Variants in MSI2 observed in about 807,000 individuals in gnomAD.
The protein encoded by MSI2 is RNA-binding protein Musashi homolog 2.
Under a neutral mutation model 45.6 loss-of-function variants are expected in MSI2, and 17 were observed. The observed-to-expected ratio is 0.37, with a 90% CI of 0.26 to 0.56. MSI2 has a LOEUF of 0.56. Among genes scored for constraint, MSI2 ranks in the 20% least tolerant of loss-of-function variants. MSI2 has a pLI of 0.77. For missense variants in MSI2, 293 were observed against 444.2 expected (o/e 0.66, Z 3.06); for synonymous variants, 156 against 158.2 (o/e 0.99, Z 0.11).
intron 5 of MSI2, among the ~76,000 whole-genome samples, chr17:57,298,172 G>A (rs1911147479): frequency 6.6e-6 from 1 of 152,060 alleles, no homozygotes; most frequent in Non-Finnish European, 1.5e-5. Flanking sequence ...ATCCATGACA[G>A]GCATAGCCTT....
intron 5 of MSI2, among the ~76,000 whole-genome samples, chr17:57,349,824 C>T (rs533825847): frequency 5.3e-5 from 8 of 152,286 alleles, no homozygotes; most frequent in Admixed American, 4.6e-4. Flanking sequence ...AATTTTTTCT[C>T]CTTGAAGCTT....
At chr17:57,347,292 C>T (rs1164429395) in intron 5 of MSI2, among the ~76,000 whole-genome samples, 1 of 152,150 alleles carries the variant, frequency 6.6e-6, no homozygotes, top group Non-Finnish European at 1.5e-5. Flanking sequence ...CAGAGCACCC[C>T]ACAGTGTACC....
At position 57,612,544 on chromosome 17, in the gene MSI2, G is replaced by A. The variant is rs1380769464; in HGVS notation, c.538-3426G>A. On this transcript the variant is annotated intron_variant, in intron 8 of 13. Transcript: ENST00000284073. ...GTCCCCTGGAGAGTGTATGCGCCAT[G>A]GCCCCTGGCCTTGGGGAACACTCAC... Among the ~76,000 whole-genome samples, 2 of 28,354 alleles carry A rather than the reference G, an allele frequency of 7.1e-5. 1 individual carries two copies. The highest frequency in any genetic ancestry group is 1.7e-4 in the African/African-American group (2 of 11,846). The allele number at this position is 28,354 out of a possible 152,430, so 18.6% of individuals were successfully genotyped here. A position where few individuals can be genotyped will look rare whatever the true frequency, so the allele number is the denominator to read the frequency against.
chr17:57,624,600 C>A (rs141223553), intron 9 of MSI2, among the ~76,000 whole-genome samples: 1 of 152,292 alleles, frequency 6.6e-6, no homozygotes, highest in East Asian at 1.9e-4. Context: ...GTCCTTCTGC[C>A]TCGCTTGGGC....
chr17:57,441,139 A>G (rs1048096535), intron 6 of MSI2, among the ~76,000 whole-genome samples: 1 of 152,074 alleles, frequency 6.6e-6, no homozygotes, highest in Non-Finnish European at 1.5e-5. Context: ...TTCTGTTTCC[A>G]TTGACGGGGA....
intron 5 of MSI2, among the ~76,000 whole-genome samples, chr17:57,399,755 T>C (rs139650376): frequency 6.6e-6 from 1 of 152,330 alleles, no homozygotes; most frequent in Non-Finnish European, 1.5e-5. Flanking sequence ...AGGTGGGACC[T>C]TGGAGCCCTG....
chr17:57,461,888 C>G (rs2085237074), intron 6 of MSI2, among the ~76,000 whole-genome samples: 1 of 152,190 alleles, frequency 6.6e-6, no homozygotes, highest in Non-Finnish European at 1.5e-5. Context: ...CTTCCTTTTC[C>G]ATTACCCCAT....
chr17:57,509,698 G>T (rs560021510), intron 6 of MSI2, among the ~76,000 whole-genome samples: 1 of 152,246 alleles, frequency 6.6e-6, no homozygotes, highest in South Asian at 2.1e-4. Context: ...TGGGATTACA[G>T]GCGTGAGCCA....
At chr17:57,527,467 C>G (rs2332930) in intron 6 of MSI2, among the ~76,000 whole-genome samples, 126,349 of 152,010 alleles carry the variant, frequency 0.83, 52,616 homozygotes, top group East Asian at 0.94. Flanking sequence ...TTACCGTCGG[C>G]GGGGGCTCTT....
rs113048081 is a variant in MSI2 at position 57,649,619 on chromosome 17, G to A, written c.728-2480G>A. Among the ~76,000 whole-genome samples the A allele has an allele frequency of 3.2e-3, 492 of 152,254 alleles. 3 individuals are homozygous for A. Among genetic ancestry groups the A allele is most frequent in the African/African-American group, 0.011 (469 of 41,548 alleles). ...TTGTATCTGTGCTTGCCCATCTCCC[G>A]CAAGCCCAGCCACCAAGAAGAGGCC... On this transcript the variant is annotated intron_variant, in intron 10 of 13. Transcript: ENST00000284073.
At chr17:57,620,709 C>G (rs978448997) in intron 9 of MSI2, among the ~76,000 whole-genome samples, 2 of 152,198 alleles carry the variant, frequency 1.3e-5, no homozygotes, top group Non-Finnish European at 2.9e-5. Flanking sequence ...GATCTGTGTG[C>G]TGGATTCCAG....
intron 7 of MSI2, among the ~76,000 whole-genome samples, chr17:57,577,147 C>G (rs1475954414): frequency 6.6e-6 from 1 of 152,192 alleles, no homozygotes; most frequent in African/African-American, 2.4e-5. Context: ...TGAAGGACTA[C>G]CCCTGGGAGG....
At chr17:57,289,438 G>A (rs917846358) in intron 5 of MSI2, among the ~76,000 whole-genome samples, 18 of 152,144 alleles carry the variant, frequency 1.2e-4, no homozygotes, top group African/African-American at 4.3e-4. Flanking sequence ...CAGAGGGACT[G>A]GCTTTTCTGC....
Position 57,624,541 on chromosome 17 carries a change from T to A in MSI2, c.653-2688T>A, listed in dbSNP as rs544863109. On this transcript the variant is annotated intron_variant, in intron 9 of 13. Transcript: ENST00000284073. ...CTCCGTCGGGTTGCTGAGCTCAACA[T>A]CCCACCGGGCTCCTGCTCCTTAGCT... Among the ~76,000 whole-genome samples the A allele has an allele frequency of 3.9e-5, 6 of 152,194 alleles. No individual in the cohort carries two copies. The South Asian group carries it at 8.3e-4, about 21-fold the overall frequency.
At chr17:57,674,785 C>T (rs1218853873) in intron 11 of MSI2, 187 bp from the exon 12 acceptor site, 1 of 764,420 alleles carries the variant, frequency 1.3e-6, no homozygotes, top group African/African-American at 1.8e-5. Context: ...TGAGTCCCTG[C>T]TGATGTTTTC....
chr17:57,291,505 A>G (rs900436504), intron 5 of MSI2, among the ~76,000 whole-genome samples: 1 of 152,218 alleles, frequency 6.6e-6, no homozygotes, highest in African/African-American at 2.4e-5. Flanking sequence ...TTAAGCAGCG[A>G]GGCTTTTAAT....
At chr17:57,299,709 A>G (rs1911276032) in intron 5 of MSI2, among the ~76,000 whole-genome samples, 1 of 152,212 alleles carries the variant, frequency 6.6e-6, no homozygotes, top group Admixed American at 6.5e-5. Context: ...CATTACAAAT[A>G]TTATTATAAT....
rs118103540 is a variant in MSI2, at chr17:57,568,397, T to C, written c.455-28471T>C. ...CCTAGGGAAAATACTGGCCATGGCA[T>C]AATCCAGTGGCACAATCCTGTCTCA... is the stretch of plus-strand genomic sequence containing the variant. On this transcript the variant is annotated intron_variant, in intron 7 of 13. Transcript: ENST00000284073. Among the ~76,000 whole-genome samples the C allele has an allele frequency of 5.4e-3, 830 of 152,310 alleles. 3 individuals carry two copies. The highest frequency in any genetic ancestry group is 0.017 in the Middle Eastern group (5 of 294).
chr17:57,458,445 A>G (rs1010896639), intron 6 of MSI2, among the ~76,000 whole-genome samples: 4 of 152,140 alleles, frequency 2.6e-5, no homozygotes, highest in Non-Finnish European at 5.9e-5. Flanking sequence ...TAATCTCTCA[A>G]TGGCCATCAG....
Sources: gnomAD v4.1 joint callset for allele counts (sites outside exome capture counted in the v4.1 genomes callset) on GRCh38, gnomAD v4.1.1 for gene constraint, MANE v1.5 for transcripts, NCBI Gene and HGNC (gene_info 2026-07-23, HGNC 2026-07-21) for gene names.